The following TIMP2 variants were observed in gnomAD, a reference collection of about 807,000 sequenced individuals.
TIMP2 encodes TIMP metallopeptidase inhibitor 2.
Under a neutral mutation model 24.3 loss-of-function variants are expected in TIMP2, and 5 were observed. The ratio of observed to expected loss-of-function variants is 0.21; its 90% CI spans 0.11 to 0.43. The LOEUF is 0.43. Ranked by LOEUF, TIMP2 falls within the 20% of genes least tolerant of loss-of-function variation. The probability of loss-of-function intolerance (pLI) is 1.00; values close to 1 mark genes in which losing one functional copy is unlikely to be tolerated. For synonymous variants in TIMP2, 130 were observed against 123.2 expected (o/e 1.06, Z -0.37); for missense variants, 221 against 297.5 (o/e 0.74, Z 1.89).
intron 3 of TIMP2, among the ~76,000 whole-genome samples, chr17:78,867,715 C>A (rs1205559786): frequency 6.6e-6 from 1 of 151,696 alleles, no homozygotes; most frequent in Non-Finnish European, 1.5e-5. Context: ...CCTGCCTCAG[C>A]CTCTTGAGTA....
At chr17:78,869,009 T>C (rs1468365282) in intron 3 of TIMP2, among the ~76,000 whole-genome samples, 1 of 152,180 alleles carries the variant, frequency 6.6e-6, no homozygotes, top group Non-Finnish European at 1.5e-5. Flanking sequence ...GAATGGTCCA[T>C]CCCCAAATGT....
At chr17:78,879,962 C>T (rs2069764612) in intron 1 of TIMP2, among the ~76,000 whole-genome samples, 1 of 151,936 alleles carries the variant, frequency 6.6e-6, no homozygotes, top group Non-Finnish European at 1.5e-5. Context: ...GGGAGACGAT[C>T]CAAAGAGGAT....
chr17:78,895,036 A>C (rs936225674), intron 1 of TIMP2, among the ~76,000 whole-genome samples: 1 of 152,128 alleles, frequency 6.6e-6, no homozygotes, highest in Admixed American at 6.5e-5. Context: ...ATCCCAGCAC[A>C]CTGGGAGGCT....
At chr17:78,892,600 A>G in intron 1 of TIMP2, 3 of 1,274,428 alleles carry the variant, frequency 2.4e-6, no homozygotes, top group Non-Finnish European at 1.1e-6. Context: ...ACCCGTGCCC[A>G]CCAGGGCCCA....
intron 2 of TIMP2, 110 bp from the exon 3 acceptor site, chr17:78,871,116 C>CAGCA (rs1194301845): frequency 2.5e-6 from 2 of 800,952 alleles, no homozygotes; most frequent in African/African-American, 3.4e-5. Flanking sequence ...GGGGTACAGC[C>CAGCA]AGCACCCAAG....
rs2070339112 is a variant in TIMP2 at position 78,925,044 on chromosome 17, C to A, written c.45G>T (p.Leu15=). The A allele has an allele frequency of 5.0e-6, 6 of 1,204,628 alleles. No homozygotes were observed. Among genetic ancestry groups the A allele is most frequent in the Non-Finnish European group, 6.2e-6 (6 of 966,416 alleles). The allele number at this position is 1,204,628 out of a possible 1,614,324, so 74.6% of individuals were successfully genotyped here. A position where few individuals can be genotyped will look rare whatever the true frequency, so the allele number is the denominator to read the frequency against. ...CCGGGCGAAGCAGCGTCGCCAGCAG[C>A]AGGAGGCCGAGCGCCAGCCGCAGGG... is the stretch of plus-strand genomic sequence containing the variant. ...ARTLRLALGL[L]LLATLLRPAD... The change falls in exon 1 of 5, where the codon CTG becomes CTT. Residue 15 remains leucine, a synonymous_variant. Coordinates refer to ENST00000262768, the MANE Select transcript of TIMP2 (RefSeq NM_003255.5).
rs191618674 is a variant in TIMP2 at position 78,862,406 on chromosome 17, G to C, written c.341-4760C>G. ...CAAGGCTGGGAAAGAAGTCAGATGA[G>C]AGAGGTTCCTCTCGCCATGAGGTGA... On this transcript the variant is annotated intron_variant, in intron 3 of 4. Coordinates refer to ENST00000262768, the MANE Select transcript of TIMP2 (RefSeq NM_003255.5). Among the ~76,000 whole-genome samples the C allele has an allele frequency of 1.3e-3, 202 of 152,364 alleles. 1 individual carries two copies. Among genetic ancestry groups the C allele is most frequent in the Non-Finnish European group, 1.7e-3 (114 of 68,038 alleles).
chr17:78,915,788 G>A (rs1036965893), intron 1 of TIMP2, among the ~76,000 whole-genome samples: 5 of 152,194 alleles, frequency 3.3e-5, no homozygotes, highest in Non-Finnish European at 7.3e-5. Flanking sequence ...CCCAAGTGCT[G>A]GGATTCCAGG....
At chr17:78,873,019 TG>T in intron 2 of TIMP2, among the ~76,000 whole-genome samples, 1 of 151,966 alleles carries the variant, frequency 6.6e-6, no homozygotes, top group East Asian at 1.9e-4. Context: ...AGTAGATACA[TG>T]GGGTTTCTCC....
chr17:78,865,390 C>T (rs1332936738), intron 3 of TIMP2, among the ~76,000 whole-genome samples: 4 of 151,812 alleles, frequency 2.6e-5, no homozygotes, highest in Non-Finnish European at 5.9e-5. Context: ...TTTGGGAGGC[C>T]GAGGTGGGCG....
At chr17:78,923,041 G>A (rs948847267) in intron 1 of TIMP2, among the ~76,000 whole-genome samples, 1 of 152,112 alleles carries the variant, frequency 6.6e-6, no homozygotes, top group African/African-American at 2.4e-5. Context: ...CCTCCCATTT[G>A]TGGTAGTTTG....
At chr17:78,893,418 GGT>G (rs756124782) in intron 1 of TIMP2, among the ~76,000 whole-genome samples, 2 of 108,250 alleles carry the variant, frequency 1.8e-5, no homozygotes, top group Non-Finnish European at 3.4e-5. Flanking sequence ...TGTGCATAGG[GGT>G]GTGTGTGCAG....
chr17:78,873,671 T>C (rs2069704661), intron 2 of TIMP2, 148 bp downstream of exon 2: 2 of 603,924 alleles, frequency 3.3e-6, no homozygotes, highest in Non-Finnish European at 5.8e-6. Flanking sequence ...TTAAGGGAAA[T>C]CGGATCTATT....
rs1156754570 is a variant in TIMP2, at chr17:78,925,323, G to T, written c.-235C>A. On this transcript the variant is annotated 5_prime_UTR_variant, in exon 1 of 5. Coordinates refer to ENST00000262768, the MANE Select transcript of TIMP2 (RefSeq NM_003255.5). Reference sequence around the variant, plus strand: ...TTCGCCGGGCGGGGCGGCGGGGTGGGGGGCGGCGGGCGAGCGGCGCTGCGG... The same window carrying T: ...TTCGCCGGGCGGGGCGGCGGGGTGGTGGGCGGCGGGCGAGCGGCGCTGCGG... The T allele has an allele frequency of 6.6e-6, 1 of 150,394 alleles. No homozygotes were observed. Among genetic ancestry groups the T allele is most frequent in the African/African-American group, 2.4e-5 (1 of 40,984 alleles). 9.3% of individuals were successfully genotyped at this position (150,394 alleles called of 1,614,324 possible). A position where few individuals can be genotyped will look rare whatever the true frequency, so the allele number is the denominator to read the frequency against.
At chr17:78,883,586 A>G (rs1336985748) in intron 1 of TIMP2, among the ~76,000 whole-genome samples, 1 of 152,158 alleles carries the variant, frequency 6.6e-6, no homozygotes, top group African/African-American at 2.4e-5. Context: ...GCCAGCGGGC[A>G]CCTGGGGGTG....
At position 78,855,547 on chromosome 17, in the gene TIMP2, T is replaced by A; in HGVS notation, c.*120A>T. 1.7e-6 allele frequency: 2 copies of A among 1,158,194 alleles called. No homozygotes were observed. Among genetic ancestry groups the A allele is most frequent in the Non-Finnish European group, 2.4e-6 (2 of 825,242 alleles). 71.7% of individuals were successfully genotyped at this position (1,158,194 alleles called of 1,614,324 possible). On this transcript the variant is annotated 3_prime_UTR_variant, in exon 5 of 5. Transcript: ENST00000262768. This position sits in a 1 kb window ranked among gnomAD's most constrained non-coding sequence, Gnocchi z 6.0. ...AAGGGGGGAGCAGAATCATATTAAT[T>A]TGGACCCATGGGATGAGTGTTTTAT...
intron 1 of TIMP2, among the ~76,000 whole-genome samples, chr17:78,912,645 T>A (rs1261492622): frequency 6.6e-6 from 1 of 152,186 alleles, no homozygotes; most frequent in East Asian, 1.9e-4. Flanking sequence ...CCAGGCCACC[T>A]GCTTGCTTCT....
intron 3 of TIMP2, among the ~76,000 whole-genome samples, chr17:78,863,979 G>T (rs575344198): frequency 4.6e-5 from 7 of 152,266 alleles, no homozygotes; most frequent in African/African-American, 1.7e-4. Context: ...AACGAGTCAG[G>T]TGTCAGAGCA....
chr17:78,891,128 T>C lies in TIMP2; in HGVS notation c.131-17209A>G. On this transcript the variant is annotated intron_variant, in intron 1 of 4. Coordinates refer to ENST00000262768, the MANE Select transcript of TIMP2 (RefSeq NM_003255.5). This position sits in a 1 kb window ranked among gnomAD's most constrained non-coding sequence, Gnocchi z 4.5. ...GCTATACAATAATGAGTCCTCTTTGTTGATAAATATACCTGCCTCGGGAGA... is the reference window on the plus strand; with the variant it reads ...GCTATACAATAATGAGTCCTCTTTGCTGATAAATATACCTGCCTCGGGAGA... 6.4e-7 allele frequency: 1 copy of C among 1,550,750 alleles called. No individual in the cohort carries two copies. Among genetic ancestry groups the C allele is most frequent in the African/African-American group, 1.4e-5 (1 of 73,178 alleles).
Sources: gnomAD v4.1 joint callset for allele counts (sites outside exome capture counted in the v4.1 genomes callset) on GRCh38, gnomAD v4.1.1 for gene constraint, Gnocchi (gnomAD v3.1) non-coding constraint, MANE v1.5 for transcripts, NCBI Gene and HGNC (gene_info 2026-07-23, HGNC 2026-07-21) for gene names.